Variants in COL5A2 observed in about 807,000 individuals in gnomAD.
The protein encoded by COL5A2 is collagen alpha-2(V) chain.
COL5A2 carries 23 observed loss-of-function variants against 208.2 expected under a neutral mutation model. That is an observed-to-expected ratio of 0.11 (90% CI 0.08 to 0.16). The LOEUF (loss-of-function observed/expected upper bound fraction) is 0.16. Among genes scored for constraint, COL5A2 ranks in the 10% least tolerant of loss-of-function variants. The pLI, the probability that COL5A2 is intolerant of heterozygous loss-of-function variation, is 1.00. For missense variants in COL5A2, 1,590 were observed against 1,956.4 expected, an observed-to-expected ratio of 0.81 and a Z score of 3.53; for synonymous variants, 625 against 628.5, an observed-to-expected ratio of 0.99 and a Z score of 0.08.
the COL5A2 span, among the ~76,000 whole-genome samples, chr2:189,291,452 A>G: frequency 6.6e-6 from 1 of 152,122 alleles, no homozygotes; most frequent in Non-Finnish European, 1.5e-5. Flanking sequence ...AAATTGTGAG[A>G]CTCATTTTCA....
the COL5A2 span, among the ~76,000 whole-genome samples, chr2:189,251,148 T>G: frequency 6.6e-6 from 1 of 152,138 alleles, no homozygotes; most frequent in East Asian, 1.9e-4. Context: ...AATAAAAAAT[T>G]TTTAAATATT....
chr2:189,170,203 C>T (rs1298975929), intron 1 of COL5A2, among the ~76,000 whole-genome samples: 1 of 151,872 alleles, frequency 6.6e-6, no homozygotes, highest in Non-Finnish European at 1.5e-5. Flanking sequence ...AAAAATTGCC[C>T]GAGAATATGG....
chr2:189,390,703 A>G, the COL5A2 span, among the ~76,000 whole-genome samples: 2 of 152,224 alleles, frequency 1.3e-5, no homozygotes, highest in Admixed American at 6.5e-5. Flanking sequence ...CCTATGTTCC[A>G]AAGTTGTTAA....
the COL5A2 span, among the ~76,000 whole-genome samples, chr2:189,307,974 T>C: frequency 6.6e-6 from 1 of 152,202 alleles, no homozygotes; most frequent in African/African-American, 2.4e-5. Flanking sequence ...GCTGTTCTTT[T>C]ACTTTACTTT....
intron 1 of COL5A2, among the ~76,000 whole-genome samples, chr2:189,213,168 G>T (rs1224702004): frequency 1.3e-5 from 2 of 151,994 alleles, no homozygotes; most frequent in East Asian, 3.9e-4. Context: ...GGGATTACAG[G>T]CATGAGTCAC....
chr2:189,166,176 A>G (rs1688459882), intron 1 of COL5A2, among the ~76,000 whole-genome samples: 1 of 152,028 alleles, frequency 6.6e-6, no homozygotes, highest in African/African-American at 2.4e-5. Context: ...CATTGGTATC[A>G]CTTATATACT....
In COL5A2 at chr2:189,039,406, G is replaced by C; in HGVS notation, c.3791C>G (p.Thr1264Arg). 2 of 1,613,952 alleles carry C rather than the reference G, an allele frequency of 1.2e-6. No homozygotes were observed. The highest frequency in any genetic ancestry group is 1.7e-6 in the Non-Finnish European group (2 of 1,179,986). Residue 1264 changes from threonine (T) to arginine (R), a missense_variant, in exon 51 of 54, where the codon ACG becomes AGG. By Grantham distance (71) the Thr-to-Arg change is moderately conservative. Coordinates refer to ENST00000374866, the MANE Select transcript of COL5A2 (RefSeq NM_000393.5). ...CAGGGTAGCATGAACCCCTGGGTCC[G>C]TTTTGTTTTTGTCATCAGGAGCCGC... is the stretch of plus-strand genomic sequence containing the variant. The part of the protein sequence containing the change: ...DQAAPDDKNK[T>R]DPGVHATLKS...
At chr2:189,277,941 G>C in the COL5A2 span, among the ~76,000 whole-genome samples, 8 of 152,042 alleles carry the variant, frequency 5.3e-5, no homozygotes, top group Non-Finnish European at 8.8e-5. Context: ...GAGGTCAATA[G>C]TGCCCCCAGA....
the COL5A2 span, among the ~76,000 whole-genome samples, chr2:189,289,433 C>A: frequency 1.3e-5 from 2 of 152,002 alleles, no homozygotes; most frequent in Non-Finnish European, 2.9e-5. Flanking sequence ...ACATCATACT[C>A]AATTGTGAAA....
the COL5A2 span, among the ~76,000 whole-genome samples, chr2:189,425,520 T>C: frequency 1.3e-5 from 2 of 152,136 alleles, no homozygotes; most frequent in African/African-American, 4.8e-5. Context: ...AGCCATAAAA[T>C]AAGAATAAAA....
Position 189,186,005 on chromosome 2 carries a change from C to A in COL5A2, c.-42+39143G>T, listed in dbSNP as rs78308219. Among the ~76,000 whole-genome samples the A allele has an allele frequency of 2.0e-3, 297 of 151,650 alleles. 7 individuals carry two copies. The East Asian group carries it at 0.049, about 25-fold the overall frequency. ...CACATATATGCTTTGAAATAGCAAA[C>A]CATAATTTTTTTTTTTTTCTTAAGA... On this transcript the variant is annotated intron_variant, in intron 1 of 10. Transcript: ENST00000649966.
chr2:189,158,604 ATT>A (rs1419554531), intron 1 of COL5A2, among the ~76,000 whole-genome samples: 1 of 152,048 alleles, frequency 6.6e-6, no homozygotes. Flanking sequence ...CTCTCTCAAA[ATT>A]AGTTAGAAAA....
chr2:189,364,385 G>A, the COL5A2 span, among the ~76,000 whole-genome samples: 1 of 152,112 alleles, frequency 6.6e-6, no homozygotes, highest in African/African-American at 2.4e-5. Flanking sequence ...TTGAATAGGT[G>A]ATTAAGAAGT....
At chr2:189,249,005 T>C in the COL5A2 span, among the ~76,000 whole-genome samples, 1 of 152,180 alleles carries the variant, frequency 6.6e-6, no homozygotes, top group Non-Finnish European at 1.5e-5. Flanking sequence ...TAACCCAAAA[T>C]TGTACAATTT....
At chr2:189,137,600 T>C (rs1687850833) in intron 1 of COL5A2, among the ~76,000 whole-genome samples, 1 of 152,186 alleles carries the variant, frequency 6.6e-6, no homozygotes, top group South Asian at 2.1e-4. Flanking sequence ...TAGCCATGGA[T>C]CCAGGAAATA....
At chr2:189,356,118 G>A in the COL5A2 span, among the ~76,000 whole-genome samples, 4 of 152,352 alleles carry the variant, frequency 2.6e-5, no homozygotes, top group East Asian at 7.7e-4. Context: ...CTTCTGGCTT[G>A]TAGGGTTTCT....
the COL5A2 span, among the ~76,000 whole-genome samples, chr2:189,297,368 T>C: frequency 1.3e-5 from 2 of 152,204 alleles, no homozygotes; most frequent in Non-Finnish European, 2.9e-5. Flanking sequence ...AAAATGAGGA[T>C]GATTTTTGTG....
the COL5A2 span, among the ~76,000 whole-genome samples, chr2:189,254,246 G>A: frequency 6.6e-6 from 1 of 152,068 alleles, no homozygotes; most frequent in Non-Finnish European, 1.5e-5. Context: ...TAACTTTTAA[G>A]CAAACGTCAT....
chr2:189,256,513 G>T, the COL5A2 span, among the ~76,000 whole-genome samples: 1 of 152,182 alleles, frequency 6.6e-6, no homozygotes, highest in Non-Finnish European at 1.5e-5. Flanking sequence ...TGACCTTGGA[G>T]ATCTGTTCTC....
Sources: allele counts gnomAD v4.1 joint callset (sites outside exome capture counted in the v4.1 genomes callset), GRCh38; gene constraint gnomAD v4.1.1; transcripts MANE v1.5; gene names NCBI Gene and HGNC (gene_info 2026-07-23, HGNC 2026-07-21).